Variants in ZNF808 observed in about 807,000 individuals in gnomAD.
The protein encoded by ZNF808 is zinc finger protein 808.
A neutral mutation model predicts 8.7 loss-of-function variants in ZNF808; 5 were observed. The observed-to-expected ratio is 0.58, with a 90% CI of 0.30 to 1.21. The LOEUF is 1.21. ZNF808 is among the 50% of genes most tolerant of loss of function. The pLI is 0.07. For synonymous variants in ZNF808, 380 were observed against 366.0 expected, an observed-to-expected ratio of 1.04 and a Z score of -0.44; for missense variants, 1,103 against 1,098.4, an observed-to-expected ratio of 1.00 and a Z score of -0.06.
chr19:52,543,631 G>C (rs1261758301), intron 3 of ZNF808, among the ~76,000 whole-genome samples: 1 of 152,188 alleles, frequency 6.6e-6, no homozygotes, highest in Admixed American at 6.5e-5. Flanking sequence ...TGGGGTGTGG[G>C]CCCGTTGATG....
chr19:52,567,241 T>C (rs2059875084), downstream of ZNF808, among the ~76,000 whole-genome samples: 1 of 151,946 alleles, frequency 6.6e-6, no homozygotes, highest in African/African-American at 2.4e-5. Flanking sequence ...CGGGAGCCAA[T>C]GCAACCGGCC....
intron 1 of ZNF808, among the ~76,000 whole-genome samples, chr19:52,528,295 T>G (rs2059529029): frequency 6.6e-6 from 1 of 152,148 alleles, no homozygotes; most frequent in Non-Finnish European, 1.5e-5. Context: ...TCTTCTTGCC[T>G]GCCGAGCTCC....
chr19:52,561,238 A>G, downstream of ZNF808, among the ~76,000 whole-genome samples: 1 of 121,056 alleles, frequency 8.3e-6, no homozygotes, highest in East Asian at 2.6e-4. Flanking sequence ...ATATATATAT[A>G]TACACTTTTT....
chr19:52,537,808 A>G (rs1215252988), intron 2 of ZNF808, among the ~76,000 whole-genome samples: 1 of 152,128 alleles, frequency 6.6e-6, no homozygotes, highest in Admixed American at 6.6e-5. Context: ...TTTAAATTAT[A>G]CAGATGAGTT....
At position 52,538,071 on chromosome 19, in the gene ZNF808, C is replaced by T. The variant is rs13346509; in HGVS notation, c.-20+5062C>T. ...CTGTCGCTCAGCTGGAGTACAATGGCGTTATCTACTCTAACTGCAGCCTCG... is the reference window on the plus strand; with the variant it reads ...CTGTCGCTCAGCTGGAGTACAATGGTGTTATCTACTCTAACTGCAGCCTCG... On this transcript the variant is annotated intron_variant, in intron 2 of 4. Coordinates refer to ENST00000359798, the MANE Select transcript of ZNF808 (RefSeq NM_001039886.4). Among the ~76,000 whole-genome samples, 1,057 of 152,150 alleles carry T rather than the reference C, an allele frequency of 6.9e-3. 10 individuals carry two copies. The highest frequency in any genetic ancestry group is 0.023 in the African/African-American group (944 of 41,516).
At chr19:52,546,997 G>A (rs1273627550) in intron 3 of ZNF808, among the ~76,000 whole-genome samples, 4 of 144,264 alleles carry the variant, frequency 2.8e-5, no homozygotes, top group African/African-American at 1.1e-4. Context: ...GCCCAGGATG[G>A]AGGGCAGTGG....
intron 2 of ZNF808, among the ~76,000 whole-genome samples, chr19:52,534,882 C>CT (rs1376410695): frequency 2.0e-5 from 3 of 151,958 alleles, no homozygotes; most frequent in African/African-American, 7.3e-5. Flanking sequence ...GAGAAATACT[C>CT]TGTCTCAAAA....
At chr19:52,529,128 C>T (rs2059538329) in intron 1 of ZNF808, among the ~76,000 whole-genome samples, 1 of 151,276 alleles carries the variant, frequency 6.6e-6, no homozygotes, top group African/African-American at 2.4e-5. Context: ...GTAGTCTCCA[C>T]ACTTTAGGAG....
In ZNF808 at chr19:52,543,271, A is replaced by G; in HGVS notation, c.-14A>G. 1 of 1,613,096 alleles carries G rather than the reference A, an allele frequency of 6.2e-7. No homozygotes were observed. Among genetic ancestry groups the G allele is most frequent in the Non-Finnish European group, 8.5e-7 (1 of 1,179,606 alleles). ...TTATTTTTTTTCACATACAGGATTG[A>G]TTTCTAAAGACTCATGTTACGTGAG... On this transcript the variant is annotated 5_prime_UTR_variant, in exon 3 of 5. Transcript: ENST00000359798.
At chr19:52,547,399 G>T (rs1444462196) in intron 3 of ZNF808, 113 bp from the exon 4 acceptor site, 5 of 1,568,952 alleles carry the variant, frequency 3.2e-6, no homozygotes, top group Non-Finnish European at 3.4e-6. Flanking sequence ...ACATCCTTTT[G>T]TCAGAACACA....
chr19:52,534,831 G>C (rs369806), intron 2 of ZNF808, among the ~76,000 whole-genome samples: 44,898 of 151,948 alleles, frequency 0.3, 7,169 homozygotes, highest in African/African-American at 0.42. Flanking sequence ...AGAGGCTGCA[G>C]TGAGCCACGA....
chr19:52,554,938 T>G lies in ZNF808; in HGVS notation c.2022T>G (p.Gly674=). Residue 674 remains glycine, a synonymous_variant, in exon 5 of 5, where the codon GGT becomes GGG. Coordinates refer to ENST00000359798, the MANE Select transcript of ZNF808 (RefSeq NM_001039886.4). ...TTGTATGGCATCGTAGACTTCATGG[T>G]GGAGAGAAATCTTACAAATGTAAGG... ...SSLVWHRRLH[G]GEKSYKCKVC... 4.3e-6 allele frequency: 7 copies of G among 1,614,160 alleles called. No homozygotes were observed. The highest frequency in any genetic ancestry group is 5.9e-6 in the Non-Finnish European group (7 of 1,180,022).
chr19:52,554,397 G>T lies in ZNF808; in HGVS notation c.1481G>T (p.Arg494Leu). 1 of 1,613,530 alleles carries T rather than the reference G, an allele frequency of 6.2e-7. No homozygotes were observed. Among genetic ancestry groups the T allele is most frequent in the Non-Finnish European group, 8.5e-7 (1 of 1,179,876 alleles). Residue 494 changes from arginine (R) to leucine (L), a missense_variant, in exon 5 of 5, where the codon CGC becomes CTC. By Grantham distance (102) the Arg-to-Leu change is moderately radical. Transcript: ENST00000359798. ...AATGAGTGTCGCAAGACCTTCAGCC[G>T]CAGGTCATCCCTTCTATGCCATCGT... The part of the protein sequence containing the change: ...KCNECRKTFS[R>L]RSSLLCHRRL...
rs768468505 is a variant in ZNF808, at chr19:52,553,386, G to T, written c.470G>T (p.Gly157Val). The T allele has an allele frequency of 4.3e-6, 7 of 1,614,122 alleles. No individual in the cohort carries two copies. Among genetic ancestry groups the T allele is most frequent in the Non-Finnish European group, 5.1e-6 (6 of 1,180,016 alleles). The change falls in exon 5 of 5, where the codon GGA becomes GTA. Residue 157 changes from glycine to valine, a missense_variant. Coordinates refer to ENST00000359798, the MANE Select transcript of ZNF808 (RefSeq NM_001039886.4). ...AACAAGCCTATTAAAGATCAGCTTG[G>T]ATCAAGCTTTTATTCACATCTGCCT... ...AGNKPIKDQLGSSFYSHLPEL... is the reference protein window; with the variant it reads ...AGNKPIKDQLVSSFYSHLPEL...
At chr19:52,531,022 G>A (rs434709) in intron 1 of ZNF808, among the ~76,000 whole-genome samples, 6 of 151,928 alleles carry the variant, frequency 3.9e-5, no homozygotes, top group South Asian at 2.1e-4. Flanking sequence ...GGTGGCATGC[G>A]TCTGTAGTCC....
intron 4 of ZNF808, among the ~76,000 whole-genome samples, chr19:52,549,221 A>G (rs934967908): frequency 4.6e-5 from 7 of 151,710 alleles, no homozygotes; most frequent in African/African-American, 1.5e-4. Flanking sequence ...CTCCTGATGC[A>G]CCCGCTCATC....
chr19:52,560,299 C>T (rs181866999), downstream of ZNF808, among the ~76,000 whole-genome samples: 58 of 151,256 alleles, frequency 3.8e-4, 1 homozygote, highest in African/African-American at 1.3e-3. Context: ...GCACTCCTGC[C>T]TGGGTGATAG....
Position 52,554,573 on chromosome 19 carries a change from G to A in ZNF808, c.1657G>A (p.Val553Ile), listed in dbSNP as rs2059814838. 6.2e-7 allele frequency: 1 copy of A among 1,613,610 alleles called. No individual in the cohort carries two copies. Among genetic ancestry groups the A allele is most frequent in the Admixed American group, 1.7e-5 (1 of 59,962 alleles). The change falls in exon 5 of 5, where the codon GTC becomes ATC. Residue 553 changes from valine (V) to isoleucine (I), a missense_variant. Coordinates refer to ENST00000359798, the MANE Select transcript of ZNF808 (RefSeq NM_001039886.4). ...VCNKVFMRNS[V>I]LAVHTRIHTA... is the part of the protein sequence containing the mutation. ...TAACAAGGTTTTCATGCGTAATTCA[G>A]TCCTGGCTGTACATACTAGAATTCA...
downstream of ZNF808, among the ~76,000 whole-genome samples, chr19:52,561,114 GTCCCAGCTCAGCCCTTGTA>G (rs2059854746): frequency 7.0e-6 from 1 of 143,048 alleles, no homozygotes; most frequent in South Asian, 2.2e-4. Context: ...CAGCGCTTGT[GTCCCAGCTCAGCCCTTGTA>G]TCCCCCTTGA....
Sources: gnomAD v4.1 joint callset for allele counts (sites outside exome capture counted in the v4.1 genomes callset) on GRCh38, gnomAD v4.1.1 for gene constraint, MANE v1.5 for transcripts, NCBI Gene and HGNC (gene_info 2026-07-23, HGNC 2026-07-21) for gene names.